The following SPIDR variants were observed in gnomAD, a reference collection of about 807,000 sequenced individuals.
The protein encoded by SPIDR is scaffold protein involved in DNA repair.
In SPIDR, 93 loss-of-function variants were observed where a neutral mutation model predicts 104.6. That is an observed-to-expected ratio of 0.89 (90% CI 0.75 to 1.06). The LOEUF (loss-of-function observed/expected upper bound fraction) is 1.06. Ranked by LOEUF, SPIDR falls within the 50% of genes least tolerant of loss-of-function variation. SPIDR has a pLI of 0.00. For missense variants in SPIDR, 1,154 were observed against 1,111.2 expected, an observed-to-expected ratio of 1.04 and a Z score of -0.55; for synonymous variants, 431 against 416.9, an observed-to-expected ratio of 1.03 and a Z score of -0.41.
chr8:47,527,490 A>G (rs1250312642), intron 8 of SPIDR: 1 of 152,314 alleles, frequency 6.6e-6, no homozygotes, highest in African/African-American at 2.4e-5. Flanking sequence ...TAAAATGGAA[A>G]GAACTGAGCA....
chr8:47,266,223 C>G (rs1408226420), intron 1 of SPIDR, among the ~76,000 whole-genome samples: 3 of 151,568 alleles, frequency 2.0e-5, no homozygotes, highest in South Asian at 2.1e-4. Flanking sequence ...TTCCGCCTCC[C>G]CAGTTCAAAC....
At chr8:47,275,704 TA>T (rs2036290921) in intron 1 of SPIDR, among the ~76,000 whole-genome samples, 1 of 152,218 alleles carries the variant, frequency 6.6e-6, no homozygotes, top group Non-Finnish European at 1.5e-5. Context: ...AGGAAAACAT[TA>T]AAATAGTTAT....
At chr8:47,668,727 A>G (rs901508348) in intron 10 of SPIDR, among the ~76,000 whole-genome samples, 1 of 152,252 alleles carries the variant, frequency 6.6e-6, no homozygotes, top group African/African-American at 2.4e-5. Context: ...TGATTGCATG[A>G]AAGTACACTA....
chr8:47,595,835 A>T lies in SPIDR; in HGVS notation c.1122A>T (p.Gly374=). 6.2e-7 allele frequency: 1 copy of T among 1,614,108 alleles called. No homozygotes were observed. The highest frequency in any genetic ancestry group is 8.5e-7 in the Non-Finnish European group (1 of 1,180,010). ...GGCAAAAACTGATTATTCCAAGTGG[A>T]AGTTGCCCTGTTATTCTGAATACTT... ...PPWQKLIIPS[G]SCPVILNTYF... is the part of the protein sequence containing the mutation. Residue 374 remains glycine, a synonymous_variant, in exon 9 of 20, where the codon GGA becomes GGT. Coordinates refer to ENST00000297423, the MANE Select transcript of SPIDR (RefSeq NM_001080394.4).
chr8:47,270,468 A>G (rs2035067461), intron 1 of SPIDR, among the ~76,000 whole-genome samples: 5 of 152,190 alleles, frequency 3.3e-5, no homozygotes, highest in African/African-American at 1.2e-4. Context: ...TTTCTGCAAA[A>G]TTGGTAGTGC....
In SPIDR at chr8:47,594,984, G is replaced by A. The variant is rs575952259; in HGVS notation, c.1098-827G>A. On this transcript the variant is annotated intron_variant, in intron 8 of 19. Transcript: ENST00000297423. The stretch of plus-strand genomic sequence containing the variant: ...GCACTCCAGCCTGGGCGACAGAGCC[G>A]AGACCATGTCTCAAAAAAAGAAAAA... Among the ~76,000 whole-genome samples, 53 of 151,998 alleles carry A rather than the reference G, an allele frequency of 3.5e-4. 2 individuals are homozygous for A. The South Asian group carries it at 0.011, about 30-fold the overall frequency.
At chr8:47,316,907 T>C (rs1413158852) in intron 5 of SPIDR, among the ~76,000 whole-genome samples, 1 of 152,190 alleles carries the variant, frequency 6.6e-6, no homozygotes, top group Admixed American at 6.5e-5. Context: ...CATGCTGAGA[T>C]ATAATGGGAT....
intron 8 of SPIDR, among the ~76,000 whole-genome samples, chr8:47,470,393 A>G (rs1259202523): frequency 6.6e-6 from 1 of 151,946 alleles, no homozygotes; most frequent in Non-Finnish European, 1.5e-5. Flanking sequence ...GATTTAAGCA[A>G]TTCTCCTACC....
chr8:47,308,747 C>T (rs587689259), intron 5 of SPIDR, among the ~76,000 whole-genome samples: 109 of 152,304 alleles, frequency 7.2e-4, no homozygotes, highest in African/African-American at 2.5e-3. Context: ...ATTCAGTGAT[C>T]AGGGCACACA....
chr8:47,582,977 G>GT (rs1212460426), intron 8 of SPIDR, among the ~76,000 whole-genome samples: 7 of 151,582 alleles, frequency 4.6e-5, no homozygotes, highest in South Asian at 2.1e-4. Context: ...GTTATGTCTA[G>GT]TTTTTTTTGT....
At chr8:47,495,788 T>C (rs1029580390) in intron 8 of SPIDR, among the ~76,000 whole-genome samples, 11 of 152,192 alleles carry the variant, frequency 7.2e-5, no homozygotes, top group African/African-American at 2.7e-4. Context: ...TTTGAAAATA[T>C]AACTTTCTTC....
At chr8:47,381,832 T>G (rs1554645592) in intron 5 of SPIDR, among the ~76,000 whole-genome samples, 1 of 152,242 alleles carries the variant, frequency 6.6e-6, no homozygotes, top group Admixed American at 6.5e-5. Context: ...CTTGAGACTT[T>G]TGTTTTTGCA....
At position 47,357,775 on chromosome 8, in the gene SPIDR, T is replaced by G; in HGVS notation, c.526-38601T>G. Reference sequence around the variant, plus strand: ...ATTTGAAGTGTGGAAGTTGGAGTTCTGAAAAAAAATTAGGGAAGGAAATGG... The same window carrying G: ...ATTTGAAGTGTGGAAGTTGGAGTTCGGAAAAAAAATTAGGGAAGGAAATGG... On this transcript the variant is annotated intron_variant, in intron 5 of 19. Coordinates refer to ENST00000297423, the MANE Select transcript of SPIDR (RefSeq NM_001080394.4). 3 of 802,778 alleles carry G rather than the reference T, an allele frequency of 3.7e-6. No individual in the cohort carries two copies. The South Asian group carries it at 1.7e-4, about 46-fold the overall frequency. The allele number at this position is 802,778 out of a possible 1,614,324, so 49.7% of individuals were successfully genotyped here. A position where few individuals can be genotyped will look rare whatever the true frequency, so the allele number is the denominator to read the frequency against.
chr8:47,710,767 C>T (rs1589420798), intron 14 of SPIDR, among the ~76,000 whole-genome samples: 2 of 152,014 alleles, frequency 1.3e-5, no homozygotes, highest in South Asian at 4.2e-4. Context: ...CACGACTGGC[C>T]CACTAATTTT....
chr8:47,393,613 CTCTTT>C (rs1264459336), intron 5 of SPIDR, among the ~76,000 whole-genome samples: 79 of 152,152 alleles, frequency 5.2e-4, no homozygotes, highest in Non-Finnish European at 9.3e-4. Flanking sequence ...GGAAGCAAAC[CTCTTT>C]TCTTTTCTTT....
chr8:47,409,860 C>T (rs1310932579), intron 7 of SPIDR, among the ~76,000 whole-genome samples: 15 of 152,162 alleles, frequency 9.9e-5, no homozygotes, highest in Admixed American at 3.3e-4. Context: ...GAAACCCATT[C>T]GCTGCAAAAA....
intron 8 of SPIDR, among the ~76,000 whole-genome samples, chr8:47,502,214 T>A (rs111371855): frequency 8.5e-5 from 13 of 152,346 alleles, no homozygotes; most frequent in African/African-American, 2.9e-4. Context: ...TCAGAAGGAA[T>A]GGTACCAGCT....
chr8:47,724,938 C>G (rs1197303197), intron 16 of SPIDR, among the ~76,000 whole-genome samples: 1 of 152,212 alleles, frequency 6.6e-6, no homozygotes, highest in Non-Finnish European at 1.5e-5. Context: ...CACCACCTCT[C>G]TGTCCACCAC....
intron 9 of SPIDR, among the ~76,000 whole-genome samples, chr8:47,598,078 T>G (rs552579045): frequency 6.6e-5 from 10 of 152,364 alleles, no homozygotes; most frequent in Admixed American, 2.0e-4. Context: ...TCGAATCAAT[T>G]TAATTATAAC....
Sources: gnomAD v4.1 joint callset for allele counts (sites outside exome capture counted in the v4.1 genomes callset) on GRCh38, gnomAD v4.1.1 for gene constraint, MANE v1.5 for transcripts, NCBI Gene and HGNC (gene_info 2026-07-23, HGNC 2026-07-21) for gene names.